CLCNKA: variants seen among roughly 807,000 people sequenced by gnomAD.
CLCNKA encodes chloride channel protein ClC-Ka.
In CLCNKA, 66 loss-of-function variants were observed where a neutral mutation model predicts 83.3. The observed-to-expected ratio is 0.79, with a 90% CI of 0.65 to 0.97. The LOEUF (loss-of-function observed/expected upper bound fraction) is 0.97. CLCNKA is among the 50% of genes least tolerant of loss of function. The pLI is 0.00. For synonymous variants in CLCNKA, 357 were observed against 370.4 expected (o/e 0.96, Z 0.42); for missense variants, 806 against 888.7 (o/e 0.91, Z 1.18).
At chr1:16,023,298 G>A (rs1401970516) in intron 2 of CLCNKA, among the ~76,000 whole-genome samples, 3 of 152,232 alleles carry the variant, frequency 2.0e-5, no homozygotes, top group Non-Finnish European at 2.9e-5. Context: ...CCTGGGACAC[G>A]CAGAAGTCTG....
chr1:16,031,938 CTG>C (rs201496910), intron 16 of CLCNKA, 95 bp downstream of exon 16: 29,220 of 1,592,690 alleles, frequency 0.018, 355 homozygotes, highest in South Asian at 0.05. Flanking sequence ...CATCCAGGCT[CTG>C]TGACTTAGCA....
In CLCNKA at chr1:16,027,252, C is replaced by A. The variant is rs112380901; in HGVS notation, c.656-58C>A. ...GGAGGAGGCGAGATGGGGGAGGGGGCCCTACAGCCACAGGTGGGTGGGGGT... is the reference window on the plus strand; with the variant it reads ...GGAGGAGGCGAGATGGGGGAGGGGGACCTACAGCCACAGGTGGGTGGGGGT... On this transcript the variant is annotated intron_variant, in intron 7 of 19. Transcript: ENST00000331433. The A allele has an allele frequency of 7.5e-3, 12,095 of 1,608,184 alleles. 793 individuals carry two copies. In the African/African-American group the frequency reaches 0.14, roughly 19 times the overall value.
At chr1:16,027,219 TG>T in intron 7 of CLCNKA, 90 bp from the exon 8 acceptor site, 1 of 1,557,436 alleles carries the variant, frequency 6.4e-7, no homozygotes, top group Admixed American at 1.7e-5. Flanking sequence ...GCAGGACAGA[TG>T]GCTCAGGGAG....
intron 5 of CLCNKA, 39 bp downstream of exon 5, chr1:16,026,286 A>AACCCCCCCC: frequency 9.7e-7 from 1 of 1,028,234 alleles, no homozygotes. Context: ...CACCCCGCCC[A>AACCCCCCCC]CCCTACCCTG....
At position 16,028,831 on chromosome 1, in the gene CLCNKA, T is replaced by A; in HGVS notation, c.1039T>A (p.Phe347Ile). ...CACCTACCCGCCTGGTGTGGGCCAC[T>A]TCCTAGCTTCTCGGGTAAGGGGTCC... ...SITYPPGVGH[F>I]LASRLSMKQH... Residue 347 changes from phenylalanine to isoleucine, a missense_variant, in exon 11 of 20, where the codon TTC becomes ATC. Physicochemically the swap from Phe to Ile is conservative, Grantham distance 21 (BLOSUM62 0). Coordinates refer to ENST00000331433, the MANE Select transcript of CLCNKA (RefSeq NM_004070.4). The A allele has an allele frequency of 6.2e-7, 1 of 1,614,104 alleles. No individual in the cohort carries two copies. Among genetic ancestry groups the A allele is most frequent in the Non-Finnish European group, 8.5e-7 (1 of 1,180,016 alleles).
chr1:16,030,969 C>T (rs2022601153), intron 15 of CLCNKA, among the ~76,000 whole-genome samples: 1 of 152,184 alleles, frequency 6.6e-6, no homozygotes, highest in Non-Finnish European at 1.5e-5. Context: ...CAGAGAGGTG[C>T]CGTGTCTTGC....
In CLCNKA at chr1:16,026,564, T is replaced by C; in HGVS notation, c.527T>C (p.Ile176Thr). 6 of 1,613,986 alleles carry C rather than the reference T, an allele frequency of 3.7e-6. No individual in the cohort carries two copies. Among genetic ancestry groups the C allele is most frequent in the South Asian group, 3.3e-5 (3 of 91,068 alleles). ...CCTTTCGTGCACCTGTCTGTAATGATCGCTGCCTACCTGGGCCGTGTGCGC... is the reference window on the plus strand; with the variant it reads ...CCTTTCGTGCACCTGTCTGTAATGACCGCTGCCTACCTGGGCCGTGTGCGC... ...VGPFVHLSVMIAAYLGRVRTT... is the reference protein window; with the variant it reads ...VGPFVHLSVMTAAYLGRVRTT... The change falls in exon 6 of 20, where the codon ATC becomes ACC. Residue 176 changes from isoleucine to threonine, a missense_variant. Transcript: ENST00000331433.
rs1557456806 is a variant in CLCNKA at position 16,031,846 on chromosome 1, G to A, written c.1756+3G>A. The A allele has an allele frequency of 1.2e-6, 2 of 1,613,784 alleles. No homozygotes were observed. The highest frequency in any genetic ancestry group is 2.2e-5 in the South Asian group (2 of 91,082). Reference sequence around the variant, plus strand: ...GTATCCCCTGGTGGAGAGCACAGGTGCCCAGCTGGAAGGGAGGAGGAAGTC... The same window carrying A: ...GTATCCCCTGGTGGAGAGCACAGGTACCCAGCTGGAAGGGAGGAGGAAGTC... On this transcript the variant is annotated splice_donor_region_variant and intron_variant, in intron 16 of 19. Transcript: ENST00000331433.
At chr1:16,033,348 A>C (rs1194217688) in intron 19 of CLCNKA, 92 bp downstream of exon 19, 66 of 1,381,648 alleles carry the variant, frequency 4.8e-5, no homozygotes, top group Non-Finnish European at 5.7e-5. Context: ...GCATGCTCCC[A>C]TCCAAACCTG....
At chr1:16,024,477 G>T (rs2022267752) in intron 3 of CLCNKA, among the ~76,000 whole-genome samples, 1 of 152,238 alleles carries the variant, frequency 6.6e-6, no homozygotes, top group Non-Finnish European at 1.5e-5. Context: ...AGTCTTCAAT[G>T]AGCCTGTGAG....
In CLCNKA at chr1:16,030,672, C is replaced by A. The variant is rs139787278; in HGVS notation, c.1620C>A (p.Ile540=). The A allele has an allele frequency of 1.4e-4, 230 of 1,613,170 alleles. No individual in the cohort carries two copies. The highest frequency in any genetic ancestry group is 1.7e-4 in the Non-Finnish European group (196 of 1,180,050). ...TGCCACGGATTCTGGGCCGCAACATCGGGTGAGTGGTGCCCACCTCAGGCT... is the reference window on the plus strand; with the variant it reads ...TGCCACGGATTCTGGGCCGCAACATAGGGTGAGTGGTGCCCACCTCAGGCT... ...PYLPRILGRN[I]GSHHVRVEHF... Residue 540 remains isoleucine, a splice_region_variant and synonymous_variant, in exon 15 of 20, where the codon ATC becomes ATA. Transcript: ENST00000331433.
At position 16,027,888 on chromosome 1, in the gene CLCNKA, C is replaced by G. The variant is rs2022432335; in HGVS notation, c.849C>G (p.Phe283Leu). 1 of 1,613,730 alleles carries G rather than the reference C, an allele frequency of 6.2e-7. No homozygotes were observed. The highest frequency in any genetic ancestry group is 2.2e-5 in the East Asian group (1 of 44,882). ...VDVPFDLPEI[F>L]FFVALGGICG... ...TTCCCTTCGACCTGCCTGAGATCTT[C>G]TTTTTTGTGGCGCTGGGGTGAGTGG... is the stretch of plus-strand genomic sequence containing the variant. Residue 283 changes from phenylalanine (F) to leucine (L), a missense_variant, in exon 9 of 20, where the codon TTC (phenylalanine) becomes TTG (leucine). Physicochemically the swap from Phe to Leu is conservative, Grantham distance 22 (BLOSUM62 0). Coordinates refer to ENST00000331433, the MANE Select transcript of CLCNKA (RefSeq NM_004070.4).
intron 4 of CLCNKA, among the ~76,000 whole-genome samples, chr1:16,025,577 G>A (rs1376299660): frequency 1.3e-5 from 2 of 151,856 alleles, no homozygotes; most frequent in Non-Finnish European, 2.9e-5. Flanking sequence ...CCAGCTACTT[G>A]GAAGGCTGAG....
At chr1:16,029,835 G>C (rs374555090) in intron 13 of CLCNKA, 35 bp downstream of exon 13, 9 of 1,613,456 alleles carry the variant, frequency 5.6e-6, no homozygotes, top group Non-Finnish European at 7.6e-6. Context: ...GAGAGTTTTG[G>C]GGTTCTTGGG....
chr1:16,022,566 G>A, intron 1 of CLCNKA, 47 bp from the exon 2 acceptor site: 1 of 1,404,844 alleles, frequency 7.1e-7, no homozygotes, highest in South Asian at 1.3e-5. Flanking sequence ...GCAGCGCGAG[G>A]ACGTGCAGCA....
Position 16,029,175 on chromosome 1 carries a change from C to A in CLCNKA, c.1103C>A (p.Ala368Glu), listed in dbSNP as rs370754460. Residue 368 changes from alanine (A) to glutamate (E), a missense_variant, in exon 12 of 20, where the codon GCG becomes GAG. Physicochemically the swap from Ala to Glu is moderately radical, Grantham distance 107. Coordinates refer to ENST00000331433, the MANE Select transcript of CLCNKA (RefSeq NM_004070.4). ...LDSLFDNHSWALMTQNSSPPW... is the reference protein window; with the variant it reads ...LDSLFDNHSWELMTQNSSPPW... ...TCGCTGTTCGACAACCACTCCTGGGCGCTGATGACCCAGAACTCCAGCCCA... is the reference window on the plus strand; with the variant it reads ...TCGCTGTTCGACAACCACTCCTGGGAGCTGATGACCCAGAACTCCAGCCCA... 1 of 1,612,716 alleles carries A rather than the reference C, an allele frequency of 6.2e-7. No homozygotes were observed. Among genetic ancestry groups the A allele is most frequent in the Admixed American group, 1.7e-5 (1 of 59,984 alleles).
intron 4 of CLCNKA, 77 bp from the exon 5 acceptor site, chr1:16,026,031 G>A: frequency 6.3e-7 from 1 of 1,597,470 alleles, no homozygotes; most frequent in Non-Finnish European, 8.6e-7. Context: ...TGGGATTACA[G>A]GCGTGAGCCA....
rs768920877 is a variant in CLCNKA, at chr1:16,032,252, C to T, written c.1806C>T (p.Ala602=). ...GIVQRAQLVQ[A]LQAEPPSRAP... ...TGCAGAGGGCCCAGCTGGTGCAGGC[C>T]CTCCAGGCTGAGCCTCCTTCCAGGG... Residue 602 remains alanine, a synonymous_variant, in exon 17 of 20, where the codon GCC becomes GCT. Transcript: ENST00000331433. 1 of 1,612,520 alleles carries T rather than the reference C, an allele frequency of 6.2e-7. No individual in the cohort carries two copies. Among genetic ancestry groups the T allele is most frequent in the South Asian group, 1.1e-5 (1 of 91,068 alleles).
Position 16,026,419 on chromosome 1 carries a change from C to T in CLCNKA, c.499-117C>T, listed in dbSNP as rs2022348990. ...AGGTCCCCAGTGTGACAAAAGCTAC[C>T]TGAGGACAGCCCTGGGGGTTGGGGA... On this transcript the variant is annotated intron_variant, in intron 5 of 19. Coordinates refer to ENST00000331433, the MANE Select transcript of CLCNKA (RefSeq NM_004070.4). 3 of 1,503,738 alleles carry T rather than the reference C, an allele frequency of 2.0e-6. No individual in the cohort carries two copies. The South Asian group carries it at 3.5e-5, about 17-fold the overall frequency. 93.1% of individuals were successfully genotyped at this position (1,503,738 alleles called of 1,614,324 possible).
Sources: allele counts gnomAD v4.1 joint callset (sites outside exome capture counted in the v4.1 genomes callset), GRCh38; gene constraint gnomAD v4.1.1; transcripts MANE v1.5; gene names NCBI Gene and HGNC (gene_info 2026-07-23, HGNC 2026-07-21).